Variants in ZFPM2 observed in about 807,000 individuals in gnomAD.
ZFPM2 encodes the protein zinc finger protein ZFPM2.
Under a neutral mutation model 98.6 loss-of-function variants are expected in ZFPM2, and 20 were observed. That is an observed-to-expected ratio of 0.20 (90% CI 0.14 to 0.29). The LOEUF (loss-of-function observed/expected upper bound fraction) is 0.29. Ranked by LOEUF, ZFPM2 falls within the 10% of genes least tolerant of loss-of-function variation. The pLI, the probability that ZFPM2 is intolerant of heterozygous loss-of-function variation, is 1.00. For synonymous variants in ZFPM2, 518 were observed against 502.7 expected (o/e 1.03, Z -0.41); for missense variants, 1,310 against 1,388.6 (o/e 0.94, Z 0.90).
At chr8:105,770,587 T>C (rs1401365985) in intron 5 of ZFPM2, among the ~76,000 whole-genome samples, 1 of 152,120 alleles carries the variant, frequency 6.6e-6, no homozygotes, top group African/African-American at 2.4e-5. Context: ...TAATTTATAA[T>C]TTCAGTTCTT....
intron 3 of ZFPM2, among the ~76,000 whole-genome samples, chr8:105,456,215 G>A (rs892675061): frequency 4.8e-5 from 7 of 146,282 alleles, no homozygotes; most frequent in African/African-American, 1.8e-4. Flanking sequence ...AAATGGTGCT[G>A]AGATGCCAAG....
intron 1 of ZFPM2, among the ~76,000 whole-genome samples, chr8:105,404,036 A>G (rs1375336601): frequency 1.2e-3 from 183 of 148,938 alleles, no homozygotes; most frequent in African/African-American, 4.4e-3. Flanking sequence ...AACAACAACA[A>G]CAACAACAGC....
intron 4 of ZFPM2, among the ~76,000 whole-genome samples, chr8:105,630,292 A>G (rs1816732886): frequency 6.6e-6 from 1 of 152,122 alleles, no homozygotes; most frequent in African/African-American, 2.4e-5. Context: ...TTTTCTATTC[A>G]TGGATTTTTC....
intron 4 of ZFPM2, among the ~76,000 whole-genome samples, chr8:105,623,961 A>G (rs1257933377): frequency 6.6e-6 from 1 of 152,204 alleles, no homozygotes; most frequent in Non-Finnish European, 1.5e-5. Context: ...GTATAAGCTC[A>G]ATGTGTTGAG....
At position 105,715,894 on chromosome 8, in the gene ZFPM2, G is replaced by A. The variant is rs570386792; in HGVS notation, c.533-72824G>A. ...CAATGAACTTGAAATTTTCATATTC[G>A]CTCTAGGTGATTCATACGGAGTGTC... On this transcript the variant is annotated intron_variant, in intron 5 of 7. Coordinates refer to ENST00000407775, the MANE Select transcript of ZFPM2 (RefSeq NM_012082.4). 1.4e-4 allele frequency among the ~76,000 whole-genome samples: 21 copies of A among 152,000 alleles called. No homozygotes were observed. In the South Asian group the frequency reaches 1.5e-3, roughly 11 times the overall value.
At chr8:105,556,206 A>T (rs1026182032) in intron 3 of ZFPM2, among the ~76,000 whole-genome samples, 4 of 152,132 alleles carry the variant, frequency 2.6e-5, no homozygotes, top group African/African-American at 7.2e-5. Context: ...TGAAAACCTT[A>T]AAAATGCTGA....
At chr8:105,416,239 C>T (rs2130064638) in intron 1 of ZFPM2, among the ~76,000 whole-genome samples, 1 of 151,694 alleles carries the variant, frequency 6.6e-6, no homozygotes, top group African/African-American at 2.4e-5. Flanking sequence ...TTTTCTTTCA[C>T]ATTTTCCCAT....
chr8:105,658,891 G>A (rs1251185217), intron 5 of ZFPM2, among the ~76,000 whole-genome samples: 1 of 152,120 alleles, frequency 6.6e-6, no homozygotes, highest in African/African-American at 2.4e-5. Context: ...TATTATATCA[G>A]TTAATAGGCA....
chr8:105,626,805 C>G (rs1353549392), intron 4 of ZFPM2, among the ~76,000 whole-genome samples: 3 of 152,168 alleles, frequency 2.0e-5, no homozygotes, highest in Non-Finnish European at 4.4e-5. Flanking sequence ...AAGGAAGCCA[C>G]ACACCAAAAG....
intron 5 of ZFPM2, among the ~76,000 whole-genome samples, chr8:105,673,127 A>G (rs2130907614): frequency 6.7e-6 from 1 of 150,302 alleles, no homozygotes; most frequent in African/African-American, 2.5e-5. Flanking sequence ...AATTTGTGCC[A>G]GGGAAGAACT....
intron 3 of ZFPM2, among the ~76,000 whole-genome samples, chr8:105,476,126 A>G (rs1235845013): frequency 6.6e-6 from 1 of 152,152 alleles, no homozygotes; most frequent in Non-Finnish European, 1.5e-5. Context: ...TGCAAATATG[A>G]CTTTCAGTTG....
At chr8:105,680,845 T>A (rs1210116007) in intron 5 of ZFPM2, among the ~76,000 whole-genome samples, 19 of 152,136 alleles carry the variant, frequency 1.2e-4, no homozygotes, top group Admixed American at 1.2e-3. Flanking sequence ...AACATGAAAG[T>A]AAAAATTATT....
At chr8:105,766,455 G>C (rs1404800009) in intron 5 of ZFPM2, among the ~76,000 whole-genome samples, 2 of 151,844 alleles carry the variant, frequency 1.3e-5, no homozygotes, top group Admixed American at 6.6e-5. Context: ...ACTTGAGTGG[G>C]GAACAGGATC....
intron 3 of ZFPM2, among the ~76,000 whole-genome samples, chr8:105,472,898 T>G (rs537462572): frequency 6.7e-6 from 1 of 149,934 alleles, no homozygotes; most frequent in East Asian, 2.0e-4. Flanking sequence ...CCTTTTTTTT[T>G]TTTTTTTTTT....
chr8:105,672,359 T>C (rs960441686), intron 5 of ZFPM2, among the ~76,000 whole-genome samples: 4 of 151,884 alleles, frequency 2.6e-5, no homozygotes, highest in Non-Finnish European at 5.9e-5. Flanking sequence ...AATTATAAAT[T>C]GGTATTCAAC....
chr8:105,685,556 A>T (rs1810713263), intron 5 of ZFPM2, among the ~76,000 whole-genome samples: 1 of 152,038 alleles, frequency 6.6e-6, no homozygotes, highest in Non-Finnish European at 1.5e-5. Context: ...ATGACACTTT[A>T]TGAGGAACAA....
chr8:105,794,231 G>T (rs1311606675), intron 6 of ZFPM2, among the ~76,000 whole-genome samples: 1 of 152,016 alleles, frequency 6.6e-6, no homozygotes, highest in Non-Finnish European at 1.5e-5. Flanking sequence ...TTTGATGATG[G>T]TGATGTACAG....
At chr8:105,798,657 G>A in intron 6 of ZFPM2, 67 bp from the exon 7 acceptor site, 1 of 1,415,806 alleles carries the variant, frequency 7.1e-7, no homozygotes. Flanking sequence ...TGAACTAAAT[G>A]CTGCTTTACC....
At chr8:105,561,090 G>A (rs1815124724) in intron 3 of ZFPM2, among the ~76,000 whole-genome samples, 2 of 152,102 alleles carry the variant, frequency 1.3e-5, no homozygotes, top group African/African-American at 4.8e-5. Context: ...ACTGTTTCTG[G>A]TTCTTAAAGA....
Sources: allele counts gnomAD v4.1 joint callset (sites outside exome capture counted in the v4.1 genomes callset), GRCh38; gene constraint gnomAD v4.1.1; transcripts MANE v1.5; gene names NCBI Gene and HGNC (gene_info 2026-07-23, HGNC 2026-07-21).